Variants in SLC22A24 observed in about 807,000 individuals in gnomAD.
SLC22A24 encodes solute carrier family 22 member 24.
A neutral mutation model predicts 49.8 loss-of-function variants in SLC22A24; 53 were observed. The observed-to-expected ratio is 1.06, with a 90% CI of 0.85 to 1.34. SLC22A24 has a LOEUF of 1.34. Ranked by LOEUF, SLC22A24 falls within the 40% of genes most tolerant of loss-of-function variation. The probability of loss-of-function intolerance (pLI) is 0.00; values close to 1 mark genes in which losing one functional copy is unlikely to be tolerated. For synonymous variants in SLC22A24, 302 were observed against 256.4 expected (o/e 1.18, Z -1.70); for missense variants, 786 against 675.9 (o/e 1.16, Z -1.81).
intron 7 of SLC22A24, among the ~76,000 whole-genome samples, chr11:63,083,000 A>C (rs138389660): frequency 7.6e-4 from 116 of 152,330 alleles, no homozygotes; most frequent in African/African-American, 2.6e-3. Context: ...GTCCAGATTC[A>C]TCTTGGCTGT....
intron 6 of SLC22A24, among the ~76,000 whole-genome samples, chr11:63,087,580 C>T (rs1046884565): frequency 6.6e-6 from 1 of 152,196 alleles, no homozygotes; most frequent in Non-Finnish European, 1.5e-5. Context: ...GAACCATTTA[C>T]TCCCCTCCCC....
chr11:63,112,895 G>C (rs1305863132), intron 4 of SLC22A24, among the ~76,000 whole-genome samples: 2 of 149,428 alleles, frequency 1.3e-5, no homozygotes, highest in African/African-American at 5.0e-5. Flanking sequence ...AGTGCCTGTA[G>C]TCCCAGCTAC....
intron 4 of SLC22A24, among the ~76,000 whole-genome samples, chr11:63,111,582 G>C (rs1020747860): frequency 2.6e-4 from 39 of 152,030 alleles, no homozygotes; most frequent in African/African-American, 8.4e-4. Context: ...TCTTGGGAGA[G>C]TGTATGTGTC....
At chr11:63,113,716 T>G (rs2087192248) in intron 4 of SLC22A24, among the ~76,000 whole-genome samples, 1 of 151,940 alleles carries the variant, frequency 6.6e-6, no homozygotes, top group South Asian at 2.1e-4. Context: ...TAGCTCGGCA[T>G]AGTGGCACAT....
intron 6 of SLC22A24, among the ~76,000 whole-genome samples, chr11:63,095,059 G>A (rs1194767430): frequency 6.6e-6 from 1 of 152,274 alleles, no homozygotes; most frequent in East Asian, 1.9e-4. Flanking sequence ...CCTTGCCCAT[G>A]CGTATGTCCT....
intron 6 of SLC22A24, among the ~76,000 whole-genome samples, chr11:63,093,377 A>T (rs1456305283): frequency 6.6e-6 from 1 of 152,186 alleles, no homozygotes; most frequent in East Asian, 1.9e-4. Flanking sequence ...ATTCTACCAT[A>T]AAAACACATG....
chr11:63,109,802 G>C (rs995401174), intron 4 of SLC22A24, among the ~76,000 whole-genome samples: 4 of 151,720 alleles, frequency 2.6e-5, no homozygotes, highest in Admixed American at 6.6e-5. Context: ...TAGGTTGCCT[G>C]TTCACTCTGA....
At chr11:63,101,963 A>T (rs748382630) in intron 5 of SLC22A24, among the ~76,000 whole-genome samples, 3 of 152,180 alleles carry the variant, frequency 2.0e-5, no homozygotes, top group Admixed American at 2.0e-4. Flanking sequence ...TGGAGGGGGA[A>T]TAAGGTTGGT....
intron 6 of SLC22A24, among the ~76,000 whole-genome samples, chr11:63,090,183 C>T (rs1482040517): frequency 6.6e-6 from 1 of 151,104 alleles, no homozygotes; most frequent in African/African-American, 2.4e-5. Flanking sequence ...TATATGCACC[C>T]AATGGAGGAA....
intron 7 of SLC22A24, among the ~76,000 whole-genome samples, chr11:63,083,036 C>T (rs2086968179): frequency 6.6e-6 from 1 of 151,868 alleles, no homozygotes; most frequent in South Asian, 2.1e-4. Flanking sequence ...GTGTCTGAAC[C>T]ATCACGGCTG....
rs780297849 is a variant in SLC22A24 at position 63,095,968 on chromosome 11, A to T, written c.1070+23T>A. 4.7e-6 allele frequency: 7 copies of T among 1,479,590 alleles called. No individual in the cohort carries two copies. In the South Asian group the frequency reaches 8.6e-5, roughly 18 times the overall value. The allele number at this position is 1,479,590 out of a possible 1,614,324, so 91.7% of individuals were successfully genotyped here. A position where few individuals can be genotyped will look rare whatever the true frequency, so the allele number is the denominator to read the frequency against. ...TTTGTGTCTCCAATATTTTAAAGTG[A>T]ATCATCACCAAATGGAACTTACCTC... On this transcript the variant is annotated intron_variant, in intron 6 of 9. Coordinates refer to ENST00000612278, the MANE Select transcript of SLC22A24 (RefSeq NM_001136506.2).
In SLC22A24 at chr11:63,085,754, C is replaced by T. The variant is rs534425214; in HGVS notation, c.1071-2297G>A. 6.6e-5 allele frequency among the ~76,000 whole-genome samples: 10 copies of T among 152,248 alleles called. No individual in the cohort carries two copies. The South Asian group carries it at 1.2e-3, about 19-fold the overall frequency. Reference sequence around the variant, plus strand: ...TTCCATAGACATCAGGAGGTCATGACGATGAATGGTGACAATGATGACGAT... The same window carrying T: ...TTCCATAGACATCAGGAGGTCATGATGATGAATGGTGACAATGATGACGAT... On this transcript the variant is annotated intron_variant, in intron 6 of 9. Coordinates refer to ENST00000612278, the MANE Select transcript of SLC22A24 (RefSeq NM_001136506.2).
chr11:63,140,088 G>GTTTTTT (rs71065339), intron 1 of SLC22A24, among the ~76,000 whole-genome samples: 1 of 134,956 alleles, frequency 7.4e-6, no homozygotes, highest in Non-Finnish European at 1.5e-5. Flanking sequence ...TTTTTTTTTT[G>GTTTTTT]TTTTTTTTTT....
chr11:63,126,227 T>C (rs965378866), intron 2 of SLC22A24, among the ~76,000 whole-genome samples: 11 of 152,190 alleles, frequency 7.2e-5, no homozygotes, highest in Admixed American at 2.6e-4. Context: ...ATGTGAAGTC[T>C]TTGCCCATGC....
At chr11:63,092,800 A>G (rs2087029061) in intron 6 of SLC22A24, among the ~76,000 whole-genome samples, 2 of 151,984 alleles carry the variant, frequency 1.3e-5, no homozygotes, top group Non-Finnish European at 2.9e-5. Flanking sequence ...CTTCATGACT[A>G]AAACACAAAA....
chr11:63,094,909 A>C (rs1024355213), intron 6 of SLC22A24, among the ~76,000 whole-genome samples: 35 of 152,044 alleles, frequency 2.3e-4, no homozygotes, highest in African/African-American at 8.4e-4. Context: ...AGGTTGCAAC[A>C]ATTTTCTCCC....
intron 5 of SLC22A24, among the ~76,000 whole-genome samples, chr11:63,099,371 A>ATTTTTTTTTT (rs56708217): frequency 0.026 from 1,344 of 52,342 alleles, 212 homozygotes; most frequent in Middle Eastern, 0.071. Flanking sequence ...AATTTTTAAG[A>ATTTTTTTTTT]TTTTTTTTTT....
chr11:63,114,661 T>C lies in SLC22A24; in HGVS notation c.830+4251A>G, dbSNP rs538158468. Among the ~76,000 whole-genome samples, 17 of 152,318 alleles carry C rather than the reference T, an allele frequency of 1.1e-4. No homozygotes were observed. In the South Asian group the frequency reaches 2.9e-3, roughly 26 times the overall value. ...ACTCTGGTTTTTAGAATTTTCAGCT[T>C]TTCTGCTCTGTTTTCTCCCCATCTT... On this transcript the variant is annotated intron_variant, in intron 4 of 9. Coordinates refer to ENST00000612278, the MANE Select transcript of SLC22A24 (RefSeq NM_001136506.2).
At position 63,080,873 on chromosome 11, in the gene SLC22A24, G is replaced by A. The variant is rs1462204473; in HGVS notation, c.1598+47C>T. ...TGACCTTTCTCATTAAACAGCTACA[G>A]CACATAGCCACTCCCCACTCAAGTG... On this transcript the variant is annotated intron_variant, in intron 9 of 9. Transcript: ENST00000612278. 11 of 1,487,768 alleles carry A rather than the reference G, an allele frequency of 7.4e-6. No homozygotes were observed. The East Asian group carries it at 2.2e-4, about 30-fold the overall frequency. The allele number at this position is 1,487,768 out of a possible 1,614,324, so 92.2% of individuals were successfully genotyped here. A position where few individuals can be genotyped will look rare whatever the true frequency, so the allele number is the denominator to read the frequency against.
Sources: allele counts gnomAD v4.1 joint callset (sites outside exome capture counted in the v4.1 genomes callset), GRCh38; gene constraint gnomAD v4.1.1; transcripts MANE v1.5; gene names NCBI Gene and HGNC (gene_info 2026-07-23, HGNC 2026-07-21).